Variants in STON2 observed in about 807,000 individuals in gnomAD.
The protein encoded by STON2 is stonin 2.
Under a neutral mutation model 65.7 loss-of-function variants are expected in STON2, and 29 were observed. The observed-to-expected ratio is 0.44, with a 90% confidence interval of 0.33 to 0.60. STON2 has a LOEUF of 0.60. STON2 is among the 20% of genes least tolerant of loss of function. The pLI, the probability that STON2 is intolerant of heterozygous loss-of-function variation, is 0.03. For synonymous variants in STON2, 404 were observed against 414.2 expected (o/e 0.98, Z 0.30); for missense variants, 1,054 against 1,118.1 (o/e 0.94, Z 0.82).
rs763250482 is a variant in STON2 at position 81,278,194 on chromosome 14, T to C, written c.1288A>G (p.Ser430Gly). ...YQDAISFDDS[S>G]KTQSHSDAVE... ...GCATCAGAGTGTGACTGGGTTTTGC[T>C]TGAATCATCAAAACTGATGGCATCC... The change falls in exon 6 of 8, where the codon AGC becomes GGC. Residue 430 changes from serine to glycine, a missense_variant. Transcript: ENST00000614646. 4 of 1,614,174 alleles carry C rather than the reference T, an allele frequency of 2.5e-6. No individual in the cohort carries two copies. The highest frequency in any genetic ancestry group is 3.4e-6 in the Non-Finnish European group (4 of 1,180,034).
intron 4 of STON2, among the ~76,000 whole-genome samples, chr14:81,358,400 T>C (rs1366684306): frequency 2.0e-5 from 3 of 152,050 alleles, no homozygotes; most frequent in East Asian, 3.8e-4. Flanking sequence ...CAAAAATCTT[T>C]AGTAGAAGAG....
At chr14:81,365,704 C>T (rs751982444) in intron 4 of STON2, among the ~76,000 whole-genome samples, 11 of 151,924 alleles carry the variant, frequency 7.2e-5, no homozygotes, top group Admixed American at 1.3e-4. Flanking sequence ...TGCAGTGAGC[C>T]GAGACCATGC....
intron 5 of STON2, among the ~76,000 whole-genome samples, chr14:81,308,704 G>A (rs2140205211): frequency 6.8e-6 from 1 of 146,724 alleles, no homozygotes; most frequent in East Asian, 2.1e-4. Flanking sequence ...TTGGTGCAAG[G>A]GAGAATAAAA....
intron 2 of STON2, among the ~76,000 whole-genome samples, chr14:81,418,506 T>A (rs925231402): frequency 6.6e-6 from 1 of 152,068 alleles, no homozygotes; most frequent in Non-Finnish European, 1.5e-5. Flanking sequence ...GAGTTAATAA[T>A]AAACCCAGAT....
intron 4 of STON2, among the ~76,000 whole-genome samples, chr14:81,337,835 T>C (rs542262210): frequency 8.3e-4 from 127 of 152,236 alleles, no homozygotes; most frequent in Non-Finnish European, 1.2e-3. Context: ...TACAGTAGCA[T>C]GTGCCTGCAA....
chr14:81,268,394 T>C lies in STON2; in HGVS notation c.*20A>G. 1.6e-6 allele frequency: 2 copies of C among 1,289,252 alleles called. No homozygotes were observed. Among genetic ancestry groups the C allele is most frequent in the Non-Finnish European group, 2.0e-6 (2 of 988,642 alleles). The allele number at this position is 1,289,252 out of a possible 1,614,324, so 79.9% of individuals were successfully genotyped here. On this transcript the variant is annotated 3_prime_UTR_variant, in exon 8 of 8. Coordinates refer to ENST00000614646, the MANE Select transcript of STON2 (RefSeq NM_001394390.1). ...CCCTATCATGACTCTGGGATCAGGA[T>C]TCCTTGCCGCAAGGCTTTGTCACTG...
At chr14:81,422,886 T>A (rs1014986783) in intron 2 of STON2, among the ~76,000 whole-genome samples, 2 of 151,830 alleles carry the variant, frequency 1.3e-5, no homozygotes, top group Non-Finnish European at 2.9e-5. Flanking sequence ...ACAAAAAAAA[T>A]TAGCTGGGTG....
At chr14:81,407,347 T>C (rs1900919667) in intron 2 of STON2, among the ~76,000 whole-genome samples, 1 of 152,134 alleles carries the variant, frequency 6.6e-6, no homozygotes, top group Admixed American at 6.6e-5. Context: ...TATATGAGAA[T>C]AAAAGGAAGG....
chr14:81,282,417 T>G (rs1895159289), intron 5 of STON2, among the ~76,000 whole-genome samples: 1 of 152,146 alleles, frequency 6.6e-6, no homozygotes, highest in Admixed American at 6.5e-5. Context: ...TCCCTCTATC[T>G]CAGTTTTCCT....
intron 5 of STON2, among the ~76,000 whole-genome samples, chr14:81,321,420 T>G (rs1896817691): frequency 2.7e-5 from 4 of 148,724 alleles, no homozygotes; most frequent in Admixed American, 2.7e-4. Context: ...CACAGGATGG[T>G]AGAGTGGTGG....
chr14:81,397,294 T>G (rs758966361), intron 2 of STON2, among the ~76,000 whole-genome samples: 1 of 152,296 alleles, frequency 6.6e-6, no homozygotes, highest in Non-Finnish European at 1.5e-5. Flanking sequence ...GAGCTACATA[T>G]GTAATTTTAA....
chr14:81,283,764 C>G (rs945244526), intron 5 of STON2, among the ~76,000 whole-genome samples: 2 of 152,108 alleles, frequency 1.3e-5, no homozygotes, highest in Non-Finnish European at 2.9e-5. Context: ...CTCCTGACCT[C>G]ATGATCCGCC....
intron 5 of STON2, among the ~76,000 whole-genome samples, chr14:81,305,684 T>C (rs573920969): frequency 9.2e-5 from 14 of 152,348 alleles, no homozygotes; most frequent in African/African-American, 2.9e-4. Context: ...ATGGTGGCTT[T>C]TGCTTAATAG....
Position 81,347,615 on chromosome 14 carries a change from TAAAAAAAAAAA to T in STON2, c.571+23362_571+23372del, listed in dbSNP as rs55784716. Among the ~76,000 whole-genome samples the T allele has an allele frequency of 5.5e-5, 4 of 72,596 alleles. No homozygotes were observed. The East Asian group carries it at 1.5e-3, about 28-fold the overall frequency. The allele number at this position is 72,596 out of a possible 152,430, so 47.6% of individuals were successfully genotyped here. On this transcript the variant is annotated intron_variant, in intron 4 of 7. Transcript: ENST00000614646. ...GATATCAAACTGGACAAGAAGACAG[TAAAAAAAAAAA>T]AAAAAAAAAAACCCTACAGGCCAGT... is the stretch of plus-strand genomic sequence containing the variant.
Position 81,414,445 on chromosome 14 carries a change from C to T in STON2, c.-199+12657G>A, listed in dbSNP as rs951069029. Among the ~76,000 whole-genome samples, 3 of 152,104 alleles carry T rather than the reference C, an allele frequency of 2.0e-5. 1 individual carries two copies. The highest frequency in any genetic ancestry group is 2.0e-4 in the Admixed American group (3 of 15,250). On this transcript the variant is annotated intron_variant, in intron 2 of 8. Coordinates refer to the STON2 transcript ENST00000553821. Reference sequence around the variant, plus strand: ...CCATCCAACCTTTAGAACCCTGTGACGCCAAATGGACAGAGAAGATGGTAG... The same window carrying T: ...CCATCCAACCTTTAGAACCCTGTGATGCCAAATGGACAGAGAAGATGGTAG...
At chr14:81,329,110 G>A (rs1180182218) in intron 4 of STON2, among the ~76,000 whole-genome samples, 1 of 151,798 alleles carries the variant, frequency 6.6e-6, no homozygotes, top group Non-Finnish European at 1.5e-5. Context: ...AAGTTAAGAC[G>A]AGGTCATATT....
At position 81,263,537 on chromosome 14, in the gene STON2, C is replaced by CAAAAAAAAAAAAAAAAAAA. The variant is rs59359589; in HGVS notation, c.*4858_*4876dup. The CAAAAAAAAAAAAAAAAAAA allele has an allele frequency of 1.2e-5, 1 of 80,920 alleles. No homozygotes were observed. The highest frequency in any genetic ancestry group is 4.7e-5 in the African/African-American group (1 of 21,106). 5.0% of individuals were successfully genotyped at this position (80,920 alleles called of 1,614,324 possible). Reference sequence around the variant, plus strand: ...TGGGTGACAGACTGAGACTCCGTCTCAAAAAAAAAAAAAAAAAAAAAAACA... The same window carrying CAAAAAAAAAAAAAAAAAAA: ...TGGGTGACAGACTGAGACTCCGTCTCAAAAAAAAAAAAAAAAAAAAAAAAAAAAAAAAAAAAAAAAAACA... On this transcript the variant is annotated 3_prime_UTR_variant, in exon 8 of 8. Transcript: ENST00000614646.
rs781321781 is a variant in STON2 at position 81,277,903 on chromosome 14, G to GTTT, written c.1576_1578dup (p.Lys526dup). 1.6e-5 allele frequency: 26 copies of GTTT among 1,614,086 alleles called. No individual in the cohort carries two copies. The highest frequency in any genetic ancestry group is 1.9e-5 in the Non-Finnish European group (23 of 1,180,052). On this transcript the variant is annotated inframe_insertion, in exon 6 of 8. Coordinates refer to ENST00000614646, the MANE Select transcript of STON2 (RefSeq NM_001394390.1). ...ATCTCCAGCTTGAACTCACGGAATG[G>GTTT]TTTTTCTAGGCCCTGCTCATAATAC...
At chr14:81,318,838 C>T (rs1419301367) in intron 5 of STON2, among the ~76,000 whole-genome samples, 1 of 152,182 alleles carries the variant, frequency 6.6e-6, no homozygotes, top group Non-Finnish European at 1.5e-5. Context: ...GAGACTCTAT[C>T]TCAAAAAATA....
Sources: gnomAD v4.1 joint callset for allele counts (sites outside exome capture counted in the v4.1 genomes callset) on GRCh38, gnomAD v4.1.1 for gene constraint, MANE v1.5 for transcripts, NCBI Gene and HGNC (gene_info 2026-07-23, HGNC 2026-07-21) for gene names.